SCAPER: variants seen among roughly 807,000 people sequenced by gnomAD.
SCAPER encodes S-phase cyclin A associated protein in the ER, also known as S phase cyclin A-associated protein in the endoplasmic reticulum.
SCAPER carries 98 observed loss-of-function variants against 182.2 expected under a neutral mutation model. The observed-to-expected ratio is 0.54, with a 90% CI of 0.46 to 0.64. SCAPER has a LOEUF of 0.64. Among genes scored for constraint, SCAPER ranks in the 30% least tolerant of loss-of-function variants. The probability of loss-of-function intolerance (pLI) is 0.00; values close to 1 mark genes in which losing one functional copy is unlikely to be tolerated. For missense variants in SCAPER, 1,432 were observed against 1,690.0 expected, an observed-to-expected ratio of 0.85 and a Z score of 2.68; for synonymous variants, 605 against 564.6, an observed-to-expected ratio of 1.07 and a Z score of -1.01.
chr15:76,841,333 A>C (rs992771905), intron 5 of SCAPER, among the ~76,000 whole-genome samples: 3 of 152,194 alleles, frequency 2.0e-5, no homozygotes, highest in African/African-American at 7.2e-5. Context: ...ATTTATTACA[A>C]CTAGAAAAAG....
In SCAPER at chr15:76,621,838, A is replaced by G; in HGVS notation, c.2646-9T>C. 5 of 1,589,260 alleles carry G rather than the reference A, an allele frequency of 3.1e-6. No homozygotes were observed. The highest frequency in any genetic ancestry group is 3.4e-6 in the Non-Finnish European group (4 of 1,167,436). On this transcript the variant is annotated splice_polypyrimidine_tract_variant and intron_variant, in intron 21 of 31. Coordinates refer to ENST00000563290, the MANE Select transcript of SCAPER (RefSeq NM_020843.4). ...TCTCATATTCCTTAGCCCTGAAGAGAAAAAAAGTTTTAACACAGTTATTTC... is the reference window on the plus strand; with the variant it reads ...TCTCATATTCCTTAGCCCTGAAGAGGAAAAAAGTTTTAACACAGTTATTTC...
At chr15:76,694,913 C>G (rs2058572268) in intron 20 of SCAPER, among the ~76,000 whole-genome samples, 1 of 151,696 alleles carries the variant, frequency 6.6e-6, no homozygotes, top group Non-Finnish European at 1.5e-5. Flanking sequence ...CAATTTTGCC[C>G]AAAAAATACT....
intron 16 of SCAPER, among the ~76,000 whole-genome samples, chr15:76,729,338 A>G (rs1173707926): frequency 2.0e-5 from 3 of 151,870 alleles, no homozygotes; most frequent in African/African-American, 7.2e-5. Flanking sequence ...ATACATATAT[A>G]TCCTATTAGT....
At chr15:76,814,078 G>T (rs966271860) in intron 5 of SCAPER, among the ~76,000 whole-genome samples, 2 of 152,046 alleles carry the variant, frequency 1.3e-5, no homozygotes, top group African/African-American at 4.8e-5. Flanking sequence ...TGAGGCAGAA[G>T]AATTGTTTGA....
At chr15:76,543,832 C>G (rs1189879352) in intron 23 of SCAPER, among the ~76,000 whole-genome samples, 1 of 152,256 alleles carries the variant, frequency 6.6e-6, no homozygotes, top group East Asian at 1.9e-4. Flanking sequence ...AAATGAAAAA[C>G]AGATAAACTG....
At chr15:76,604,734 T>G (rs2050220359) in intron 22 of SCAPER, among the ~76,000 whole-genome samples, 1 of 152,026 alleles carries the variant, frequency 6.6e-6, no homozygotes, top group African/African-American at 2.4e-5. Flanking sequence ...CTTGAAGAGG[T>G]CCTTCACATC....
rs145793271 is a variant in SCAPER, at chr15:76,835,209, G to A, written c.393+6525C>T. On this transcript the variant is annotated intron_variant, in intron 5 of 31. Coordinates refer to ENST00000563290, the MANE Select transcript of SCAPER (RefSeq NM_020843.4). ...CCACACACACACACACAAATAAAAT[G>A]TCTAGGAATAAATTAAACCAGAAAA... Among the ~76,000 whole-genome samples the A allele has an allele frequency of 5.9e-3, 894 of 151,690 alleles. 4 individuals carry two copies. Among genetic ancestry groups the A allele is most frequent in the African/African-American group, 0.021 (862 of 41,372 alleles).
At chr15:76,823,173 T>C (rs2067714511) in intron 5 of SCAPER, among the ~76,000 whole-genome samples, 1 of 152,154 alleles carries the variant, frequency 6.6e-6, no homozygotes, top group Non-Finnish European at 1.5e-5. Flanking sequence ...ATAGATATAC[T>C]TTGGGCTGGG....
At chr15:76,800,879 A>C (rs1257807652) in intron 6 of SCAPER, among the ~76,000 whole-genome samples, 2 of 152,194 alleles carry the variant, frequency 1.3e-5, no homozygotes, top group Non-Finnish European at 2.9e-5. Flanking sequence ...CTTTGCTGGG[A>C]AAGCTAAGAA....
chr15:76,376,727 T>A (rs2042596364), intron 28 of SCAPER, among the ~76,000 whole-genome samples: 1 of 152,222 alleles, frequency 6.6e-6, no homozygotes, highest in Non-Finnish European at 1.5e-5. Context: ...GAGAAAATAT[T>A]TTCTTGTACA....
chr15:76,867,543 G>A (rs1179145728), intron 2 of SCAPER, among the ~76,000 whole-genome samples: 1 of 152,086 alleles, frequency 6.6e-6, no homozygotes, highest in African/African-American at 2.4e-5. Flanking sequence ...GATGAACTAA[G>A]GATGGCTAAA....
At chr15:76,436,750 A>C (rs2047224225) in intron 25 of SCAPER, among the ~76,000 whole-genome samples, 1 of 152,196 alleles carries the variant, frequency 6.6e-6, no homozygotes, top group Non-Finnish European at 1.5e-5. Flanking sequence ...ATGAATGAAT[A>C]TATCAGTGTA....
chr15:76,507,921 G>C (rs978923367), intron 23 of SCAPER, among the ~76,000 whole-genome samples: 1 of 152,098 alleles, frequency 6.6e-6, no homozygotes, highest in Non-Finnish European at 1.5e-5. Context: ...AGAATAATAA[G>C]CTCTGTATTA....
chr15:76,451,536 G>A (rs2142839786), intron 25 of SCAPER, among the ~76,000 whole-genome samples: 1 of 152,324 alleles, frequency 6.6e-6, no homozygotes, highest in Non-Finnish European at 1.5e-5. Context: ...ATACTGAAGT[G>A]TGGTCTATGT....
intron 29 of SCAPER, among the ~76,000 whole-genome samples, chr15:76,357,455 A>G (rs2041067132): frequency 6.6e-6 from 1 of 152,252 alleles, no homozygotes; most frequent in Non-Finnish European, 1.5e-5. Context: ...AAGTCAAAGA[A>G]TAACAGATGT....
chr15:76,622,614 A>G (rs1283989735), intron 21 of SCAPER, among the ~76,000 whole-genome samples: 1 of 152,178 alleles, frequency 6.6e-6, no homozygotes, highest in East Asian at 1.9e-4. Context: ...TTATAAATAT[A>G]AAGATTTTTA....
In SCAPER at chr15:76,775,110, T is replaced by C. The variant is rs779944770; in HGVS notation, c.780A>G (p.Lys260=). 83 of 1,607,528 alleles carry C rather than the reference T, an allele frequency of 5.2e-5. No homozygotes were observed. In the East Asian group the frequency reaches 1.8e-3, roughly 35 times the overall value. The change falls in exon 9 of 32, where the codon AAA becomes AAG. Residue 260 remains lysine (K), a synonymous_variant. Transcript: ENST00000563290. ...VQKASRKNER[K]DAEGWETVQR... ...GAACGGTCTCCCATCCTTCAGCATC[T>C]TTCCGTTCTATGCAATTAAAGTAAA...
rs543657463 is a variant in SCAPER, at chr15:76,587,960, C to T, written c.2712-13676G>A. Among the ~76,000 whole-genome samples the T allele has an allele frequency of 2.2e-3, 335 of 151,170 alleles. 1 individual carries two copies. Among genetic ancestry groups the T allele is most frequent in the African/African-American group, 7.8e-3 (322 of 41,084 alleles). On this transcript the variant is annotated intron_variant, in intron 22 of 31. Transcript: ENST00000563290. ...TTTTTAAGACAGAGTCTTGCTCTGT[C>T]GCCCAGGCTGCAGTGCAGTGGCACA...
chr15:76,448,464 G>A (rs2048155672), intron 25 of SCAPER, among the ~76,000 whole-genome samples: 1 of 152,034 alleles, frequency 6.6e-6, no homozygotes, highest in South Asian at 2.1e-4. Flanking sequence ...CGATTTTGAG[G>A]GAGTATATGC....
Sources: allele counts gnomAD v4.1 joint callset (sites outside exome capture counted in the v4.1 genomes callset), GRCh38; gene constraint gnomAD v4.1.1; transcripts MANE v1.5; gene names NCBI Gene and HGNC (gene_info 2026-07-23, HGNC 2026-07-21).